LRP12: variants seen among roughly 807,000 people sequenced by gnomAD.
LRP12 encodes the protein LDL receptor related protein 12, also known as low-density lipoprotein receptor-related protein 12.
A neutral mutation model predicts 66.0 loss-of-function variants in LRP12; 14 were observed. That is an observed-to-expected ratio of 0.21 (90% CI 0.14 to 0.33). LRP12 has a LOEUF of 0.33. LRP12 is among the 10% of genes least tolerant of loss of function. The pLI is 1.00. For synonymous variants in LRP12, 357 were observed against 359.1 expected, an observed-to-expected ratio of 0.99 and a Z score of 0.07; for missense variants, 889 against 1,053.4, an observed-to-expected ratio of 0.84 and a Z score of 2.16.
At chr8:104,534,337 T>C (rs1281921539) in intron 1 of LRP12, among the ~76,000 whole-genome samples, 1 of 152,040 alleles carries the variant, frequency 6.6e-6, no homozygotes, top group Non-Finnish European at 1.5e-5. Context: ...CCTAAGGGTA[T>C]AACACTGATG....
Position 104,501,226 on chromosome 8 carries a change from G to A in LRP12, c.273-1707C>T, listed in dbSNP as rs113635354. On this transcript the variant is annotated intron_variant, in intron 3 of 6. Transcript: ENST00000276654. ...TTCTTTCTCTCCAATAGTCAGTGTG[G>A]TCAGTCTTTTTCATTTTAGTCACTG... is the stretch of plus-strand genomic sequence containing the variant. 4.7e-3 allele frequency among the ~76,000 whole-genome samples: 721 copies of A among 152,178 alleles called. 8 individuals are homozygous for A. Among genetic ancestry groups the A allele is most frequent in the African/African-American group, 0.017 (688 of 41,520 alleles).
At chr8:104,566,680 T>C (rs6982693) in intron 1 of LRP12, among the ~76,000 whole-genome samples, 4,664 of 152,228 alleles carry the variant, frequency 0.031, 235 homozygotes, top group African/African-American at 0.11. Context: ...ATCTGACAAT[T>C]AGAAAAATTC....
intron 1 of LRP12, among the ~76,000 whole-genome samples, chr8:104,563,494 A>G (rs532280021): frequency 6.6e-6 from 1 of 152,238 alleles, no homozygotes; most frequent in Non-Finnish European, 1.5e-5. Flanking sequence ...ATGATAAGCA[A>G]ATGAATCTGT....
At chr8:104,582,626 A>C (rs934730271) in intron 1 of LRP12, among the ~76,000 whole-genome samples, 4 of 152,214 alleles carry the variant, frequency 2.6e-5, no homozygotes, top group Non-Finnish European at 5.9e-5. Flanking sequence ...TTTCATTGAC[A>C]AAATGACTGC....
At chr8:104,508,568 A>C (rs1160030606) in intron 3 of LRP12, 2 of 167,228 alleles carry the variant, frequency 1.2e-5, no homozygotes, top group Non-Finnish European at 2.6e-5. Context: ...GGCTCTACTA[A>C]TGAGACAAAG....
chr8:104,499,108 T>C (rs1424279727), intron 4 of LRP12, among the ~76,000 whole-genome samples: 1 of 152,222 alleles, frequency 6.6e-6, no homozygotes, highest in Non-Finnish European at 1.5e-5. Flanking sequence ...CCTTAGTATA[T>C]GAAGTTAATC....
At chr8:104,523,528 G>A (rs1402432295) in intron 2 of LRP12, among the ~76,000 whole-genome samples, 1 of 152,158 alleles carries the variant, frequency 6.6e-6, no homozygotes, top group Admixed American at 6.5e-5. Flanking sequence ...CAATTTGCAA[G>A]TATCTGCTTA....
chr8:104,548,061 ATAT>A (rs572499247), intron 1 of LRP12, among the ~76,000 whole-genome samples: 65 of 118,232 alleles, frequency 5.5e-4, no homozygotes, highest in South Asian at 1.5e-3. Context: ...TATATTTTGT[ATAT>A]AATATATAAT....
chr8:104,586,395 A>C (rs1812333975), intron 1 of LRP12, among the ~76,000 whole-genome samples: 1 of 152,238 alleles, frequency 6.6e-6, no homozygotes, highest in African/African-American at 2.4e-5. Flanking sequence ...TTAATATTGG[A>C]GTTCCCTAAA....
Position 104,499,456 on chromosome 8 carries a change from T to C in LRP12, c.336A>G (p.Thr112=), listed in dbSNP as rs35163714. 3.1e-3 allele frequency: 4,997 copies of C among 1,613,690 alleles called. 135 individuals are homozygous for C. The African/African-American group carries it at 0.058, about 19-fold the overall frequency. ...RCNLDWLTIE[T]YKNIESYRAC... is the part of the protein sequence containing the mutation. The stretch of plus-strand genomic sequence containing the variant: ...CTCTGTAACTTTCAATATTCTTGTA[T>C]GTTTCTATTGTCAACCAGTCCAAAT... Residue 112 remains threonine, a synonymous_variant, in exon 4 of 7, where the codon ACA becomes ACG. Transcript: ENST00000276654.
chr8:104,577,277 T>C (rs1812179107), intron 1 of LRP12, among the ~76,000 whole-genome samples: 1 of 152,196 alleles, frequency 6.6e-6, no homozygotes, highest in South Asian at 2.1e-4. Flanking sequence ...AGAATATACA[T>C]GTTTCTCATT....
intron 1 of LRP12, among the ~76,000 whole-genome samples, chr8:104,583,568 A>G (rs1812288058): frequency 1.3e-5 from 2 of 152,176 alleles, no homozygotes; most frequent in Admixed American, 1.3e-4. Context: ...ATTAGACTAT[A>G]AGCTCCATGA....
At chr8:104,503,114 G>A (rs1810853364) in intron 3 of LRP12, among the ~76,000 whole-genome samples, 1 of 151,978 alleles carries the variant, frequency 6.6e-6, no homozygotes, top group Non-Finnish European at 1.5e-5. Context: ...TGCATTTAGT[G>A]TCCTCTCTAA....
chr8:104,546,334 A>C (rs1294063477), intron 1 of LRP12, among the ~76,000 whole-genome samples: 1 of 152,156 alleles, frequency 6.6e-6, no homozygotes, highest in Non-Finnish European at 1.5e-5. Context: ...CAAGCAACCA[A>C]CACTACAATC....
chr8:104,511,675 T>C (rs1308679151), intron 2 of LRP12, among the ~76,000 whole-genome samples: 2 of 152,298 alleles, frequency 1.3e-5, no homozygotes, highest in East Asian at 1.9e-4. Flanking sequence ...CTTATTTCTA[T>C]AGAATAACCT....
chr8:104,530,271 C>G (rs568906658), intron 2 of LRP12, among the ~76,000 whole-genome samples: 2 of 152,064 alleles, frequency 1.3e-5, no homozygotes, highest in East Asian at 1.9e-4. Context: ...TTGTGTCCCC[C>G]CTCAAGCCCA....
At chr8:104,546,937 A>G (rs1811571197) in intron 1 of LRP12, among the ~76,000 whole-genome samples, 1 of 144,022 alleles carries the variant, frequency 6.9e-6, no homozygotes, top group African/African-American at 2.6e-5. Flanking sequence ...TATATATTAT[A>G]TTTTGTATAT....
intron 2 of LRP12, among the ~76,000 whole-genome samples, chr8:104,510,803 T>C (rs1052943785): frequency 2.2e-4 from 33 of 152,044 alleles, no homozygotes; most frequent in Non-Finnish European, 4.0e-4. Context: ...AATTTATATA[T>C]TGCCTGTCTC....
At chr8:104,577,010 A>G (rs1812174836) in intron 1 of LRP12, among the ~76,000 whole-genome samples, 1 of 152,222 alleles carries the variant, frequency 6.6e-6, no homozygotes, top group Admixed American at 6.5e-5. Context: ...ACATTACATA[A>G]TGGTAATGGG....
Sources: allele counts gnomAD v4.1 joint callset (sites outside exome capture counted in the v4.1 genomes callset), GRCh38; gene constraint gnomAD v4.1.1; transcripts MANE v1.5; gene names NCBI Gene and HGNC (gene_info 2026-07-23, HGNC 2026-07-21).